The following ZNF568 variants were observed in gnomAD, a reference collection of about 807,000 sequenced individuals.
ZNF568 encodes the protein p53 inhibitor of SCO2 activation.
Under a neutral mutation model 18.1 loss-of-function variants are expected in ZNF568, and 11 were observed. The ratio of observed to expected loss-of-function variants is 0.61; its 90% CI spans 0.38 to 1.00. The LOEUF (loss-of-function observed/expected upper bound fraction) is 1.00. ZNF568 is among the 50% of genes least tolerant of loss of function. ZNF568 has a pLI of 0.01. For missense variants in ZNF568, 639 were observed against 768.2 expected, an observed-to-expected ratio of 0.83 and a Z score of 1.99; for synonymous variants, 213 against 246.6, an observed-to-expected ratio of 0.86 and a Z score of 1.28.
chr19:36,974,468 T>A lies in ZNF568; in HGVS notation c.405+2T>A. On this transcript the variant is annotated splice_donor_variant, in intron 7 of 7. Coordinates refer to the ZNF568 transcript ENST00000427117. LOFTEE classifies it high-confidence loss of function. ...TGTGCGTCTGAAGTGATGGCGGAGG[T>A]AAGTTGCATTTGACATTTTCTTGGA... is the stretch of plus-strand genomic sequence containing the variant. 6.5e-7 allele frequency: 1 copy of A among 1,535,980 alleles called. No homozygotes were observed. The highest frequency in any genetic ancestry group is 8.7e-7 in the Non-Finnish European group (1 of 1,146,812).
At chr19:36,932,089 C>T (rs906869756) in intron 4 of ZNF568, among the ~76,000 whole-genome samples, 2 of 152,110 alleles carry the variant, frequency 1.3e-5, no homozygotes, top group African/African-American at 4.8e-5. Flanking sequence ...ATAATATTCT[C>T]TTGTAGGGAT....
At chr19:36,990,795 G>T (rs1017584470) in intron 2 of ZNF568, among the ~76,000 whole-genome samples, 3 of 152,160 alleles carry the variant, frequency 2.0e-5, no homozygotes, top group African/African-American at 7.2e-5. Context: ...ACTGATTCAG[G>T]ATTTAATTTA....
Position 36,952,060 on chromosome 19 carries a change from A to G in ZNF568, c.*972A>G. On this transcript the variant is annotated 3_prime_UTR_variant, in exon 7 of 7. Transcript: ENST00000333987. ...GAGCTTTTTTTTTTTTTTTTTCAAG[A>G]CAAAAGGACTCTGTAATTCCACTTC... 1.1e-6 allele frequency: 1 copy of G among 908,630 alleles called. No homozygotes were observed. The highest frequency in any genetic ancestry group is 1.3e-6 in the Non-Finnish European group (1 of 787,414). 56.3% of individuals were successfully genotyped at this position (908,630 alleles called of 1,614,324 possible).
chr19:36,950,607 A>C lies in ZNF568; in HGVS notation c.1454A>C (p.Gln485Pro). The C allele has an allele frequency of 6.2e-7, 1 of 1,614,054 alleles. No homozygotes were observed. The highest frequency in any genetic ancestry group is 8.5e-7 in the Non-Finnish European group (1 of 1,179,924). ...ECSECGKAFI[Q>P]MSNLIRHQRI... ...AGTGAATGTGGGAAAGCTTTTATTCAGATGTCAAACCTCATTCGACACCAG... is the reference window on the plus strand; with the variant it reads ...AGTGAATGTGGGAAAGCTTTTATTCCGATGTCAAACCTCATTCGACACCAG... Residue 485 changes from glutamine to proline, a missense_variant, in exon 7 of 7, where the codon CAG becomes CCG. Transcript: ENST00000333987.
intron 7 of ZNF568, among the ~76,000 whole-genome samples, chr19:36,975,647 G>A (rs1183241486): frequency 1.4e-5 from 2 of 142,496 alleles, no homozygotes; most frequent in Non-Finnish European, 3.2e-5. Flanking sequence ...GCCTCCCAAA[G>A]TGCTGGCAGC....
In ZNF568 at chr19:36,951,240, G is replaced by A; in HGVS notation, c.*152G>A. ...GGAAAGAAATACCATATACATAGAT[G>A]GAAAAACCCAGTATTATAAAAACCT... On this transcript the variant is annotated 3_prime_UTR_variant, in exon 7 of 7. Coordinates refer to ENST00000333987, the MANE Select transcript of ZNF568 (RefSeq NM_198539.4). 3.1e-6 allele frequency: 2 copies of A among 652,322 alleles called. No individual in the cohort carries two copies. The highest frequency in any genetic ancestry group is 5.6e-5 in the South Asian group (1 of 17,704). 40.4% of individuals were successfully genotyped at this position (652,322 alleles called of 1,614,324 possible). A position where few individuals can be genotyped will look rare whatever the true frequency, so the allele number is the denominator to read the frequency against.
rs958593308 is a variant in ZNF568, at chr19:36,991,281, G to A, written c.115G>A (p.Gly39Ser). ...CCGAGATGTAATGTTGGAAAATTAC[G>A]GCAACCTGGTCTTACTGGGTAACTT... The change falls in exon 3 of 5, where the codon GGC becomes AGC. Residue 39 changes from glycine (G) to serine (S), a missense_variant. Physicochemically the swap from Gly to Ser is moderately conservative, Grantham distance 56. Transcript: ENST00000433993. 10 of 1,534,818 alleles carry A rather than the reference G, an allele frequency of 6.5e-6. No homozygotes were observed. The East Asian group carries it at 1.7e-4, about 26-fold the overall frequency.
At chr19:36,938,979 A>T (rs1326260906) in intron 6 of ZNF568, among the ~76,000 whole-genome samples, 1 of 152,146 alleles carries the variant, frequency 6.6e-6, no homozygotes, top group Non-Finnish European at 1.5e-5. Flanking sequence ...CTTTCGATGA[A>T]GGTATTTCCT....
At chr19:36,944,401 A>C (rs1015849172) in intron 6 of ZNF568, among the ~76,000 whole-genome samples, 1 of 151,984 alleles carries the variant, frequency 6.6e-6, no homozygotes, top group Non-Finnish European at 1.5e-5. Flanking sequence ...TCCATCTCAA[A>C]AAAAAAACAA....
At position 36,950,590 on chromosome 19, in the gene ZNF568, T is replaced by C; in HGVS notation, c.1437T>C (p.Cys479=). ...AGAAACCTTATGAATGCAGTGAATG[T>C]GGGAAAGCTTTTATTCAGATGTCAA... ...TGEKPYECSE[C]GKAFIQMSNL... is the part of the protein sequence containing the mutation. The change falls in exon 7 of 7, where the codon TGT becomes TGC. Residue 479 remains cysteine, a synonymous_variant. Transcript: ENST00000333987. 6.2e-7 allele frequency: 1 copy of C among 1,613,908 alleles called. No homozygotes were observed. The highest frequency in any genetic ancestry group is 8.5e-7 in the Non-Finnish European group (1 of 1,179,850).
In ZNF568 at chr19:36,950,159, T is replaced by C. The variant is rs2074033358; in HGVS notation, c.1006T>C (p.Cys336Arg). The C allele has an allele frequency of 1.2e-6, 2 of 1,613,974 alleles. No individual in the cohort carries two copies. Among genetic ancestry groups the C allele is most frequent in the South Asian group, 1.1e-5 (1 of 91,084 alleles). The change falls in exon 7 of 7, where the codon TGT (cysteine) becomes CGT (arginine). Residue 336 changes from cysteine to arginine, a missense_variant. Coordinates refer to ENST00000333987, the MANE Select transcript of ZNF568 (RefSeq NM_198539.4). ...TCACACTGGAGAGAAACCCTATGAA[T>C]GTAAGGAATGTGGGAAATCCTTCAG... The part of the protein sequence containing the change: ...RIHTGEKPYE[C>R]KECGKSFSQK...
chr19:36,994,027 C>CTTTTTTTTTTTTTT (rs957436024), intron 4 of ZNF568, among the ~76,000 whole-genome samples: 1 of 133,302 alleles, frequency 7.5e-6, no homozygotes, highest in African/African-American at 2.8e-5. Context: ...GTTTTTTTTT[C>CTTTTTTTTTTTTTT]TTTTTTTTTT....
At chr19:36,930,359 G>GC (rs1204029690) in intron 4 of ZNF568, among the ~76,000 whole-genome samples, 3 of 151,638 alleles carry the variant, frequency 2.0e-5, no homozygotes, top group African/African-American at 7.3e-5. Flanking sequence ...ACAGACGCTC[G>GC]CCACCACACC....
rs759403989 is a variant in ZNF568 at position 36,950,266 on chromosome 19, T to C, written c.1113T>C (p.Phe371=). The change falls in exon 7 of 7, where the codon TTT becomes TTC. Residue 371 remains phenylalanine (F), a synonymous_variant. Transcript: ENST00000333987. ...PYACNECGRA[F]SRMSSVTLHM... ...CATGTAATGAATGTGGTAGAGCTTT[T>C]TCTCGAATGTCATCTGTTACGCTAC... 21 of 1,613,958 alleles carry C rather than the reference T, an allele frequency of 1.3e-5. No individual in the cohort carries two copies. The South Asian group carries it at 1.3e-4, about 10-fold the overall frequency.
At chr19:36,929,684 CAAAAAAA>C (rs35496094) in intron 4 of ZNF568, among the ~76,000 whole-genome samples, 1 of 114,588 alleles carries the variant, frequency 8.7e-6, no homozygotes, top group Non-Finnish European at 1.8e-5. Flanking sequence ...GACTCCGTCT[CAAAAAAA>C]AAAAAAAAAA....
chr19:36,995,638 A>G (rs941844047), intron 4 of ZNF568, among the ~76,000 whole-genome samples: 2 of 151,348 alleles, frequency 1.3e-5, no homozygotes, highest in Non-Finnish European at 2.9e-5. Flanking sequence ...ACCTTCTGTT[A>G]TATTACATGA....
intron 4 of ZNF568, 60 bp from the exon 5 acceptor site, chr19:36,936,686 G>A: frequency 1.9e-6 from 3 of 1,561,870 alleles, no homozygotes; most frequent in Non-Finnish European, 1.7e-6. Context: ...GTTCTTGTAT[G>A]TTGTGATCAC....
At chr19:36,975,611 CTT>C (rs1305224527) in intron 7 of ZNF568, among the ~76,000 whole-genome samples, 1 of 148,870 alleles carries the variant, frequency 6.7e-6, no homozygotes, top group East Asian at 2.0e-4. Flanking sequence ...GTCGCAGTCT[CTT>C]GACTTTGTGA....
At chr19:36,974,475 C>T (rs534655397) in intron 7 of ZNF568, 1 of 1,535,832 alleles carries the variant, frequency 6.5e-7, no homozygotes, top group Non-Finnish European at 8.7e-7. Flanking sequence ...AGGTAAGTTG[C>T]ATTTGACATT....
Sources: gnomAD v4.1 joint callset for allele counts (sites outside exome capture counted in the v4.1 genomes callset) on GRCh38, gnomAD v4.1.1 for gene constraint, MANE v1.5 for transcripts, NCBI Gene and HGNC (gene_info 2026-07-23, HGNC 2026-07-21) for gene names.